Variants in LAMA2 observed in about 807,000 individuals in gnomAD.
The protein encoded by LAMA2 is laminin subunit alpha-2.
In LAMA2, 269 loss-of-function variants were observed where a neutral mutation model predicts 364.8. That is an observed-to-expected ratio of 0.74 (90% CI 0.67 to 0.82). The LOEUF (loss-of-function observed/expected upper bound fraction) is 0.82, where lower values mean the gene tolerates loss of function less well. Ranked by LOEUF, LAMA2 falls within the 40% of genes least tolerant of loss-of-function variation. The pLI, the probability that LAMA2 is intolerant of heterozygous loss-of-function variation, is 0.00. For missense variants in LAMA2, 3,807 were observed against 3,873.2 expected (o/e 0.98, Z 0.45); for synonymous variants, 1,379 against 1,370.6 (o/e 1.01, Z -0.14).
intron 28 of LAMA2, 57 bp from the exon 29 acceptor site, chr6:129,328,221 C>T (rs548051750): frequency 1.3e-5 from 19 of 1,446,086 alleles, no homozygotes; most frequent in South Asian, 2.3e-5. Context: ...AGAGCTCAAG[C>T]GTTGCTAATG....
At chr6:128,957,256 G>A (rs1278401127) in intron 1 of LAMA2, among the ~76,000 whole-genome samples, 1 of 151,946 alleles carries the variant, frequency 6.6e-6, no homozygotes, top group Non-Finnish European at 1.5e-5. Flanking sequence ...TTTTTATTTT[G>A]TAGTCTGTGT....
intron 1 of LAMA2, among the ~76,000 whole-genome samples, chr6:128,939,245 T>G (rs538186013): frequency 6.6e-6 from 1 of 152,180 alleles, no homozygotes; most frequent in Non-Finnish European, 1.5e-5. Context: ...CCTTCTGATA[T>G]TAATAATTTT....
chr6:129,396,135 T>C (rs1779602868), intron 37 of LAMA2, among the ~76,000 whole-genome samples: 2 of 152,176 alleles, frequency 1.3e-5, no homozygotes, highest in Non-Finnish European at 2.9e-5. Flanking sequence ...CGGAAAATAG[T>C]GTGATATTAG....
At chr6:129,347,815 G>C (rs1776636597) in intron 30 of LAMA2, among the ~76,000 whole-genome samples, 1 of 152,050 alleles carries the variant, frequency 6.6e-6, no homozygotes, top group Non-Finnish European at 1.5e-5. Context: ...GTGATATAAG[G>C]AAACAGTGCA....
Position 129,188,146 on chromosome 6 carries a change from T to C in LAMA2, c.1468-2059T>C, listed in dbSNP as rs369129942. The stretch of plus-strand genomic sequence containing the variant: ...TTCCACCTTGCATTATAGTTGATTG[T>C]GAGTATATCTTTTTACCCAACTAGA... On this transcript the variant is annotated intron_variant, in intron 10 of 64. Coordinates refer to ENST00000421865, the MANE Select transcript of LAMA2 (RefSeq NM_000426.4). Among the ~76,000 whole-genome samples the C allele has an allele frequency of 1.2e-3, 187 of 152,032 alleles. 1 individual carries two copies. Among genetic ancestry groups the C allele is most frequent in the African/African-American group, 4.1e-3 (171 of 41,552 alleles).
At chr6:129,510,427 T>C (rs1786479062) in intron 62 of LAMA2, among the ~76,000 whole-genome samples, 1 of 152,104 alleles carries the variant, frequency 6.6e-6, no homozygotes, top group African/African-American at 2.4e-5. Context: ...CAATGAAAAC[T>C]GCATAATAAT....
chr6:129,453,264 C>A, intron 46 of LAMA2, 133 bp downstream of exon 46: 1 of 815,172 alleles, frequency 1.2e-6, no homozygotes, highest in East Asian at 2.6e-5. Context: ...TTGAAAACCT[C>A]AACGTCTTAC....
intron 16 of LAMA2, among the ~76,000 whole-genome samples, chr6:129,267,714 A>G (rs1562396570): frequency 6.6e-6 from 1 of 152,170 alleles, no homozygotes; most frequent in Non-Finnish European, 1.5e-5. Flanking sequence ...TCATTTGTAG[A>G]TTAAAAATAA....
At chr6:129,347,891 A>G (rs1776641933) in intron 30 of LAMA2, among the ~76,000 whole-genome samples, 1 of 152,238 alleles carries the variant, frequency 6.6e-6, no homozygotes, top group African/African-American at 2.4e-5. Flanking sequence ...ACATTCCTAT[A>G]CAGTAAACAC....
chr6:129,310,836 G>A (rs973474229), intron 22 of LAMA2, among the ~76,000 whole-genome samples: 1 of 152,130 alleles, frequency 6.6e-6, no homozygotes, highest in African/African-American at 2.4e-5. Context: ...AGAGGGCGTT[G>A]CTGTCATAGG....
chr6:129,248,788 T>C (rs1050124153), intron 12 of LAMA2, among the ~76,000 whole-genome samples: 2 of 152,196 alleles, frequency 1.3e-5, no homozygotes, highest in Non-Finnish European at 2.9e-5. Flanking sequence ...GTAGCTGATC[T>C]GAAGAAGCAT....
chr6:129,308,798 G>C (rs1438082224), intron 22 of LAMA2, among the ~76,000 whole-genome samples: 1 of 152,196 alleles, frequency 6.6e-6, no homozygotes, highest in East Asian at 1.9e-4. Context: ...GCCTCAGGAA[G>C]CTTCCAGTCA....
chr6:129,497,844 T>C (rs1785310617), intron 58 of LAMA2, among the ~76,000 whole-genome samples: 1 of 152,248 alleles, frequency 6.6e-6, no homozygotes, highest in South Asian at 2.1e-4. Flanking sequence ...TTAAAGAGCA[T>C]TTCATGCATA....
chr6:129,452,316 T>G (rs1374352195), intron 45 of LAMA2, among the ~76,000 whole-genome samples: 1 of 152,172 alleles, frequency 6.6e-6, no homozygotes, highest in African/African-American at 2.4e-5. Flanking sequence ...TATAGTAATT[T>G]TTAAGGTATT....
intron 40 of LAMA2, among the ~76,000 whole-genome samples, chr6:129,427,406 T>G (rs1363082460): frequency 6.6e-6 from 1 of 152,188 alleles, no homozygotes; most frequent in East Asian, 1.9e-4. Flanking sequence ...CACCGCCAGT[T>G]ATCATGCATC....
intron 1 of LAMA2, among the ~76,000 whole-genome samples, chr6:128,958,216 C>T (rs2114585859): frequency 6.6e-6 from 1 of 152,120 alleles, no homozygotes; most frequent in South Asian, 2.1e-4. Context: ...TTTAATTTTT[C>T]AACATTTGGT....
rs553179683 is a variant in LAMA2, at chr6:129,042,771, C to T, written c.113-7147C>T. 2.0e-5 allele frequency among the ~76,000 whole-genome samples: 3 copies of T among 152,252 alleles called. No individual in the cohort carries two copies. In the South Asian group the frequency reaches 6.2e-4, roughly 32 times the overall value. ...ATATAAATGAATAATAGAGTATCCA[C>T]TCTTTGGTGTAAACTTATATTATGT... On this transcript the variant is annotated intron_variant, in intron 1 of 64. Coordinates refer to ENST00000421865, the MANE Select transcript of LAMA2 (RefSeq NM_000426.4).
chr6:129,156,981 C>A (rs1325141721), intron 8 of LAMA2, among the ~76,000 whole-genome samples: 1 of 152,062 alleles, frequency 6.6e-6, no homozygotes, highest in Admixed American at 6.5e-5. Context: ...GGAATCCTGG[C>A]GTGCATGTGC....
At position 129,088,482 on chromosome 6, in the gene LAMA2, C is replaced by T. The variant is rs543219485; in HGVS notation, c.397-9691C>T. Among the ~76,000 whole-genome samples the T allele has an allele frequency of 2.1e-4, 30 of 142,930 alleles. 1 individual carries two copies. The South Asian group carries it at 6.7e-3, about 32-fold the overall frequency. 93.8% of individuals were successfully genotyped at this position (142,930 alleles called of 152,430 possible). Reference sequence around the variant, plus strand: ...CCAGAAGGGGTGGCCGGTAGAGGCGCCCCCCACCTCCCTCCCAGACGGGGT... The same window carrying T: ...CCAGAAGGGGTGGCCGGTAGAGGCGTCCCCCACCTCCCTCCCAGACGGGGT... On this transcript the variant is annotated intron_variant, in intron 3 of 64. Coordinates refer to ENST00000421865, the MANE Select transcript of LAMA2 (RefSeq NM_000426.4).
Sources: gnomAD v4.1 joint callset for allele counts (sites outside exome capture counted in the v4.1 genomes callset) on GRCh38, gnomAD v4.1.1 for gene constraint, MANE v1.5 for transcripts, NCBI Gene and HGNC (gene_info 2026-07-23, HGNC 2026-07-21) for gene names.